The following ADAMTS3 variants were observed in gnomAD, a reference collection of about 807,000 sequenced individuals.
The protein encoded by ADAMTS3 is ADAM metallopeptidase with thrombospondin type 1 motif 3, also known as A disintegrin and metalloproteinase with thrombospondin motifs 3.
ADAMTS3 carries 73 observed loss-of-function variants against 129.0 expected under a neutral mutation model. That is an observed-to-expected ratio of 0.57 (90% CI 0.47 to 0.69). The LOEUF (loss-of-function observed/expected upper bound fraction) is 0.69. ADAMTS3 is among the 30% of genes least tolerant of loss of function. The pLI, the probability that ADAMTS3 is intolerant of heterozygous loss-of-function variation, is 0.00. For missense variants in ADAMTS3, 1,457 were observed against 1,514.5 expected (o/e 0.96, Z 0.63); for synonymous variants, 477 against 510.8 (o/e 0.93, Z 0.89).
chr4:72,392,465 C>T (rs1721620699), intron 4 of ADAMTS3, among the ~76,000 whole-genome samples: 1 of 152,168 alleles, frequency 6.6e-6, no homozygotes. Flanking sequence ...ATATTATATG[C>T]ATACATCATA....
chr4:72,306,373 T>C (rs1224089519), intron 15 of ADAMTS3, among the ~76,000 whole-genome samples: 1 of 151,992 alleles, frequency 6.6e-6, no homozygotes, highest in East Asian at 1.9e-4. Context: ...TACTATACTT[T>C]CCTGTGTCCC....
chr4:72,326,169 T>C (rs1415051212), intron 5 of ADAMTS3, among the ~76,000 whole-genome samples: 1 of 152,122 alleles, frequency 6.6e-6, no homozygotes, highest in East Asian at 1.9e-4. Context: ...TCACAAAGTA[T>C]ACATAAATTA....
intron 3 of ADAMTS3, among the ~76,000 whole-genome samples, chr4:72,506,771 TGG>T (rs1031234119): frequency 3.9e-5 from 6 of 152,204 alleles, no homozygotes; most frequent in African/African-American, 7.2e-5. Flanking sequence ...TCTCACATAC[TGG>T]GGCTTCACTC....
intron 3 of ADAMTS3, among the ~76,000 whole-genome samples, chr4:72,525,966 G>C (rs2109749506): frequency 6.6e-6 from 1 of 152,242 alleles, no homozygotes; most frequent in African/African-American, 2.4e-5. Flanking sequence ...AGAAAAACAA[G>C]GGGGTAGAGA....
intron 3 of ADAMTS3, among the ~76,000 whole-genome samples, chr4:72,453,991 A>G (rs1012197602): frequency 6.6e-6 from 1 of 150,376 alleles, no homozygotes; most frequent in African/African-American, 2.4e-5. Flanking sequence ...AACTGGATAG[A>G]TTTTGACTGT....
At chr4:72,521,205 C>A (rs1349845275) in intron 3 of ADAMTS3, among the ~76,000 whole-genome samples, 1 of 152,044 alleles carries the variant, frequency 6.6e-6, no homozygotes, top group African/African-American at 2.4e-5. Context: ...ACCATGTTGG[C>A]CAGGCTGGTC....
intron 4 of ADAMTS3, among the ~76,000 whole-genome samples, chr4:72,398,601 A>G (rs942155165): frequency 6.6e-6 from 1 of 152,224 alleles, no homozygotes; most frequent in African/African-American, 2.4e-5. Context: ...ACATACATAC[A>G]TAAATAAAAG....
chr4:72,317,930 G>T (rs1193677983), intron 10 of ADAMTS3, among the ~76,000 whole-genome samples: 1 of 152,036 alleles, frequency 6.6e-6, no homozygotes, highest in Non-Finnish European at 1.5e-5. Context: ...TCGGGAGGCT[G>T]AGGCGGGAGA....
At chr4:72,474,801 T>C (rs10938021) in intron 3 of ADAMTS3, among the ~76,000 whole-genome samples, 147,346 of 151,438 alleles carry the variant, frequency 0.97, 71,829 homozygotes, top group South Asian at 1. Flanking sequence ...CCGAGGCGGG[T>C]GGATCACGAG....
intron 4 of ADAMTS3, among the ~76,000 whole-genome samples, chr4:72,389,881 T>C (rs1721544853): frequency 6.6e-6 from 1 of 152,108 alleles, no homozygotes; most frequent in Non-Finnish European, 1.5e-5. Flanking sequence ...TTACAATAGT[T>C]GTTTAGCTTA....
At position 72,451,817 on chromosome 4, in the gene ADAMTS3, C is replaced by T. The variant is rs72852087; in HGVS notation, c.505-36846G>A. On this transcript the variant is annotated intron_variant, in intron 3 of 21. Transcript: ENST00000286657. The stretch of plus-strand genomic sequence containing the variant: ...AAACAATAGCTTTAAAGTTTGGAGG[C>T]CAGGCACAGTGGCTCACGCCTGTAA... 7.5e-3 allele frequency among the ~76,000 whole-genome samples: 1,140 copies of T among 151,798 alleles called. 26 individuals carry two copies. Among genetic ancestry groups the T allele is most frequent in the African/African-American group, 0.026 (1,083 of 41,464 alleles).
intron 10 of ADAMTS3, among the ~76,000 whole-genome samples, chr4:72,317,844 T>G (rs1304347695): frequency 6.6e-6 from 1 of 152,046 alleles, no homozygotes; most frequent in African/African-American, 2.4e-5. Context: ...CTGGCCAATA[T>G]GGTAAAACCC....
At chr4:72,305,320 A>G (rs1719054000) in intron 16 of ADAMTS3, among the ~76,000 whole-genome samples, 1 of 152,114 alleles carries the variant, frequency 6.6e-6, no homozygotes, top group South Asian at 2.1e-4. Context: ...GTCAGATATT[A>G]GAATAATTTA....
intron 4 of ADAMTS3, among the ~76,000 whole-genome samples, chr4:72,398,120 C>A (rs1721772820): frequency 1.3e-5 from 2 of 152,132 alleles, no homozygotes; most frequent in South Asian, 4.1e-4. Context: ...GAACAACAAT[C>A]TGTTGAAATT....
intron 5 of ADAMTS3, among the ~76,000 whole-genome samples, chr4:72,323,532 G>A (rs1304396452): frequency 2.6e-5 from 4 of 152,154 alleles, no homozygotes; most frequent in African/African-American, 7.2e-5. Flanking sequence ...GGGGTGCTAC[G>A]TCTGGTTGAG....
At chr4:72,288,694 C>T (rs944790724) in intron 21 of ADAMTS3, 57 bp downstream of exon 21, 5 of 1,109,182 alleles carry the variant, frequency 4.5e-6, no homozygotes, top group African/African-American at 3.1e-5. Flanking sequence ...AAAGGAAATT[C>T]TGCTTTTTGA....
chr4:72,286,190 C>T lies in ADAMTS3; in HGVS notation c.3050-2486G>A, dbSNP rs181617748. On this transcript the variant is annotated intron_variant, in intron 21 of 21. Transcript: ENST00000286657. Reference sequence around the variant, plus strand: ...GAAAATTCTTGCTAACCATTGGGCACGTCTGTAGAAATGCACAGCTGTACC... The same window carrying T: ...GAAAATTCTTGCTAACCATTGGGCATGTCTGTAGAAATGCACAGCTGTACC... 2.5e-4 allele frequency among the ~76,000 whole-genome samples: 38 copies of T among 152,288 alleles called. No homozygotes were observed. In the East Asian group the frequency reaches 2.9e-3, roughly 12 times the overall value.
At chr4:72,404,643 T>C (rs1361077219) in intron 4 of ADAMTS3, among the ~76,000 whole-genome samples, 2 of 151,784 alleles carry the variant, frequency 1.3e-5, no homozygotes, top group African/African-American at 4.8e-5. Context: ...AAAGCCAAAA[T>C]AGACAAATAG....
At chr4:72,364,945 CTATAT>C (rs989144476) in intron 4 of ADAMTS3, among the ~76,000 whole-genome samples, 10 of 152,208 alleles carry the variant, frequency 6.6e-5, no homozygotes, top group South Asian at 2.1e-4. Context: ...ACTTTCTATG[CTATAT>C]TATAAGTTTC....
Sources: allele counts gnomAD v4.1 joint callset (sites outside exome capture counted in the v4.1 genomes callset), GRCh38; gene constraint gnomAD v4.1.1; transcripts MANE v1.5; gene names NCBI Gene and HGNC (gene_info 2026-07-23, HGNC 2026-07-21).